PSEN1: variants seen among roughly 807,000 people sequenced by gnomAD.
The protein encoded by PSEN1 is presenilin 1.
Under a neutral mutation model 53.5 loss-of-function variants are expected in PSEN1, and 15 were observed. The ratio of observed to expected loss-of-function variants is 0.28; its 90% CI spans 0.19 to 0.43. The LOEUF (loss-of-function observed/expected upper bound fraction) is 0.43, where lower values mean the gene tolerates loss of function less well. PSEN1 is among the 20% of genes least tolerant of loss of function. The pLI, the probability that PSEN1 is intolerant of heterozygous loss-of-function variation, is 1.00. For synonymous variants in PSEN1, 208 were observed against 209.8 expected, an observed-to-expected ratio of 0.99 and a Z score of 0.08; for missense variants, 387 against 571.2, an observed-to-expected ratio of 0.68 and a Z score of 3.29.
chr14:73,195,652 C>T (rs1485760408), intron 7 of PSEN1, among the ~76,000 whole-genome samples: 2 of 152,082 alleles, frequency 1.3e-5, no homozygotes, highest in Admixed American at 6.6e-5. Context: ...AGTGAAGTGG[C>T]ACGATTATAG....
At chr14:73,201,999 G>A (rs1284866435) in intron 8 of PSEN1, among the ~76,000 whole-genome samples, 1 of 151,840 alleles carries the variant, frequency 6.6e-6, no homozygotes, top group Admixed American at 6.6e-5. Context: ...CACCTGCCTC[G>A]GCCTCCCAAA....
At chr14:73,170,396 G>A (rs1897850753) in intron 3 of PSEN1, among the ~76,000 whole-genome samples, 2 of 152,220 alleles carry the variant, frequency 1.3e-5, no homozygotes, top group African/African-American at 4.8e-5. Flanking sequence ...GGATTTTAAA[G>A]TCTTATTAAT....
intron 3 of PSEN1, 96 bp downstream of exon 3, chr14:73,148,202 T>C: frequency 3.2e-6 from 3 of 949,172 alleles, no homozygotes; most frequent in Non-Finnish European, 3.3e-6. Context: ...AGGCAGGCTT[T>C]CTCTACTTTA....
chr14:73,137,778 C>T (rs1443778819), intron 1 of PSEN1, among the ~76,000 whole-genome samples: 1 of 152,110 alleles, frequency 6.6e-6, no homozygotes, highest in African/African-American at 2.4e-5. Context: ...TAGAGCAGCG[C>T]TAGCCAATAG....
At chr14:73,214,139 C>T (rs1217020676) in intron 10 of PSEN1, among the ~76,000 whole-genome samples, 1 of 151,752 alleles carries the variant, frequency 6.6e-6, no homozygotes, top group East Asian at 1.9e-4. Context: ...TGGAATATTA[C>T]TTGGTTATAA....
At chr14:73,158,004 C>T (rs1039068444) in intron 3 of PSEN1, among the ~76,000 whole-genome samples, 1 of 151,906 alleles carries the variant, frequency 6.6e-6, no homozygotes, top group African/African-American at 2.4e-5. Flanking sequence ...ACAAAACATA[C>T]AGACTCTTGT....
rs553408002 is a variant in PSEN1, at chr14:73,181,782, A to T, written c.481-5071A>T. Among the ~76,000 whole-genome samples, 32 of 151,164 alleles carry T rather than the reference A, an allele frequency of 2.1e-4. 1 individual carries two copies. In the East Asian group the frequency reaches 6.0e-3, roughly 28 times the overall value. Reference sequence around the variant, plus strand: ...GGGAAACGGTTTTATTTTGTTTCGTATTTTTTTTTGAGACAATGTCTCACT... The same window carrying T: ...GGGAAACGGTTTTATTTTGTTTCGTTTTTTTTTTTGAGACAATGTCTCACT... On this transcript the variant is annotated intron_variant, in intron 5 of 11. Transcript: ENST00000324501.
intron 8 of PSEN1, among the ~76,000 whole-genome samples, chr14:73,204,087 C>T (rs1899344815): frequency 6.6e-6 from 1 of 152,188 alleles, no homozygotes; most frequent in African/African-American, 2.4e-5. Context: ...CAGCCTCCGC[C>T]TCCTGGATTC....
Position 73,177,819 on chromosome 14 carries a change from A to C in PSEN1, c.480+4112A>C, listed in dbSNP as rs1898088625. Among the ~76,000 whole-genome samples, 5 of 152,050 alleles carry C rather than the reference A, an allele frequency of 3.3e-5. No individual in the cohort carries two copies. The South Asian group carries it at 1.0e-3, about 32-fold the overall frequency. On this transcript the variant is annotated intron_variant, in intron 5 of 11. Transcript: ENST00000324501. Reference sequence around the variant, plus strand: ...ATTTTCTTTTTCTTTTCAGCAGTTTAATTATGGGACTGTGTGAGGATTTCT... The same window carrying C: ...ATTTTCTTTTTCTTTTCAGCAGTTTCATTATGGGACTGTGTGAGGATTTCT...
intron 8 of PSEN1, among the ~76,000 whole-genome samples, chr14:73,198,671 A>G (rs1433585075): frequency 6.6e-6 from 1 of 152,216 alleles, no homozygotes; most frequent in African/African-American, 2.4e-5. Flanking sequence ...ATCAAGGGAA[A>G]GAGTTGATCA....
chr14:73,219,448 T>C lies in PSEN1; in HGVS notation c.*159T>C, dbSNP rs1041074914. Reference sequence around the variant, plus strand: ...AAGTCTTCCTGACCACCTTGCACTATTGGACTTTGGAAGGAGGTGCCTATA... The same window carrying C: ...AAGTCTTCCTGACCACCTTGCACTACTGGACTTTGGAAGGAGGTGCCTATA... On this transcript the variant is annotated 3_prime_UTR_variant, in exon 12 of 12. Coordinates refer to ENST00000324501, the MANE Select transcript of PSEN1 (RefSeq NM_000021.4). 5 of 809,436 alleles carry C rather than the reference T, an allele frequency of 6.2e-6. No homozygotes were observed. Among genetic ancestry groups the C allele is most frequent in the African/African-American group, 3.4e-5 (2 of 58,876 alleles). The allele number at this position is 809,436 out of a possible 1,614,324, so 50.1% of individuals were successfully genotyped here.
At chr14:73,217,500 C>G (rs1369401927) in intron 11 of PSEN1, among the ~76,000 whole-genome samples, 2 of 152,110 alleles carry the variant, frequency 1.3e-5, no homozygotes, top group Non-Finnish European at 2.9e-5. Flanking sequence ...TTTAAAATTC[C>G]CCAGGAAATT....
At chr14:73,202,433 TATATATATATATATATATATATATATATA>T (rs1566648135) in intron 8 of PSEN1, among the ~76,000 whole-genome samples, 24 of 12,704 alleles carry the variant, frequency 1.9e-3, no homozygotes, top group South Asian at 7.8e-3. Flanking sequence ...TATATATATA[TATATATATATATATATATATATATATATA>T]TTTTTTTTTT....
chr14:73,188,706 A>G (rs1406167346), intron 6 of PSEN1, among the ~76,000 whole-genome samples: 1 of 152,224 alleles, frequency 6.6e-6, no homozygotes, highest in African/African-American at 2.4e-5. Context: ...GGCCAATGTC[A>G]TCCTCATAGG....
chr14:73,186,302 C>T (rs1461120872), intron 5 of PSEN1, among the ~76,000 whole-genome samples: 2 of 152,052 alleles, frequency 1.3e-5, no homozygotes, highest in Non-Finnish European at 2.9e-5. Context: ...TTGCTTGAAC[C>T]CTGGAGGCGG....
chr14:73,146,848 A>G (rs1389742556), intron 1 of PSEN1, among the ~76,000 whole-genome samples: 1 of 152,188 alleles, frequency 6.6e-6, no homozygotes, highest in Non-Finnish European at 1.5e-5. Flanking sequence ...TTTGCCTTCT[A>G]TATTTCTGAA....
chr14:73,165,181 C>G (rs1897672345), intron 3 of PSEN1, among the ~76,000 whole-genome samples: 2 of 152,072 alleles, frequency 1.3e-5, no homozygotes, highest in Admixed American at 6.6e-5. Context: ...GTCTTGAACT[C>G]CTGACCTCGG....
intron 5 of PSEN1, among the ~76,000 whole-genome samples, chr14:73,180,328 G>C (rs1259347197): frequency 6.6e-6 from 1 of 152,186 alleles, no homozygotes; most frequent in African/African-American, 2.4e-5. Flanking sequence ...TATTCAGCCA[G>C]ATCTCCACAT....
At chr14:73,203,608 A>G (rs1899321366) in intron 8 of PSEN1, among the ~76,000 whole-genome samples, 1 of 152,202 alleles carries the variant, frequency 6.6e-6, no homozygotes, top group South Asian at 2.1e-4. Flanking sequence ...TCTCCCAGTT[A>G]AGGGTATTCA....
Sources: allele counts gnomAD v4.1 joint callset (sites outside exome capture counted in the v4.1 genomes callset), GRCh38; gene constraint gnomAD v4.1.1; transcripts MANE v1.5; gene names NCBI Gene and HGNC (gene_info 2026-07-23, HGNC 2026-07-21).